GALNTL6: variants seen among roughly 807,000 people sequenced by gnomAD.
The protein encoded by GALNTL6 is polypeptide N-acetylgalactosaminyltransferase-like 6.
A neutral mutation model predicts 73.7 loss-of-function variants in GALNTL6; 46 were observed. The observed-to-expected ratio is 0.62, with a 90% CI of 0.49 to 0.80. The LOEUF is 0.80. GALNTL6 is among the 30% of genes least tolerant of loss of function. GALNTL6 has a pLI of 0.00. For synonymous variants in GALNTL6, 259 were observed against 263.7 expected (o/e 0.98, Z 0.17); for missense variants, 604 against 755.0 (o/e 0.80, Z 2.34).
Position 172,045,554 on chromosome 4 carries a change from C to T in GALNTL6, c.139-184102C>T, listed in dbSNP as rs535102675. ...TGTTCAACATAGTATTAAATGCTTTCCAAACACTCCATACATACTTTGGTA... is the reference window on the plus strand; with the variant it reads ...TGTTCAACATAGTATTAAATGCTTTTCAAACACTCCATACATACTTTGGTA... On this transcript the variant is annotated intron_variant, in intron 2 of 12. Transcript: ENST00000506823. Among the ~76,000 whole-genome samples, 12 of 151,964 alleles carry T rather than the reference C, an allele frequency of 7.9e-5. No individual in the cohort carries two copies. The South Asian group carries it at 2.5e-3, about 32-fold the overall frequency.
chr4:172,617,146 T>C (rs1351568012), intron 5 of GALNTL6, among the ~76,000 whole-genome samples: 1 of 152,060 alleles, frequency 6.6e-6, no homozygotes, highest in Non-Finnish European at 1.5e-5. Flanking sequence ...TGTTTGTTTG[T>C]GTGTGTGCGT....
chr4:172,617,992 T>C (rs1738808699), intron 5 of GALNTL6, among the ~76,000 whole-genome samples: 1 of 152,146 alleles, frequency 6.6e-6, no homozygotes, highest in South Asian at 2.1e-4. Context: ...CTTGCCTCTG[T>C]CCCTCCTTCT....
chr4:172,476,497 A>G (rs1008658298), intron 5 of GALNTL6, among the ~76,000 whole-genome samples: 3 of 152,220 alleles, frequency 2.0e-5, no homozygotes, highest in Admixed American at 2.0e-4. Flanking sequence ...CTAAGCTTGA[A>G]GCCGTCTACA....
intron 2 of GALNTL6, among the ~76,000 whole-genome samples, chr4:172,119,603 C>T (rs1260668524): frequency 2.0e-5 from 3 of 152,144 alleles, no homozygotes; most frequent in African/African-American, 7.2e-5. Context: ...CAGAGGTCAG[C>T]AAACTTTTGC....
chr4:172,813,626 G>C lies in GALNTL6; in HGVS notation c.826G>C (p.Gly276Arg), dbSNP rs1211934516. 1.9e-6 allele frequency: 3 copies of C among 1,613,348 alleles called. No homozygotes were observed. Among genetic ancestry groups the C allele is most frequent in the East Asian group, 2.2e-5 (1 of 44,852 alleles). ...TCACTTCGGGTATGAGGCACAAGCTGGGGATGCCATGCGAGGAGCCTTCGA... is the reference window on the plus strand; with the variant it reads ...TCACTTCGGGTATGAGGCACAAGCTCGGGATGCCATGCGAGGAGCCTTCGA... ...HNHFGYEAQA[G>R]DAMRGAFDWE... Residue 276 changes from glycine (G) to arginine (R), a missense_variant, in exon 7 of 13, where the codon GGG (glycine) becomes CGG (arginine). Physicochemically the swap from Gly to Arg is moderately radical, Grantham distance 125. This residue lies in a region of GALNTL6 where 179 missense variants were observed against 230.8 expected (regional missense o/e 0.78). Coordinates refer to ENST00000506823, the MANE Select transcript of GALNTL6 (RefSeq NM_001034845.3).
chr4:172,290,395 A>G (rs1162623091), intron 3 of GALNTL6, among the ~76,000 whole-genome samples: 1 of 152,162 alleles, frequency 6.6e-6, no homozygotes, highest in Admixed American at 6.5e-5. Flanking sequence ...CTTTGTACTT[A>G]AATCTAGTTT....
At position 171,864,902 on chromosome 4, in the gene GALNTL6, A is replaced by G. The variant is rs1043026737; in HGVS notation, c.138+50184A>G. 3.2e-4 allele frequency among the ~76,000 whole-genome samples: 49 copies of G among 152,170 alleles called. 1 individual carries two copies. The highest frequency in any genetic ancestry group is 1.3e-4 in the Non-Finnish European group (9 of 68,016). Reference sequence around the variant, plus strand: ...AGTGAAAAGAGCCATAAGAGAAAAGATGGGAAACAGCACTTAAGAGGTACA... The same window carrying G: ...AGTGAAAAGAGCCATAAGAGAAAAGGTGGGAAACAGCACTTAAGAGGTACA... On this transcript the variant is annotated intron_variant, in intron 2 of 12. Transcript: ENST00000506823.
chr4:172,776,890 AATTATAT>A (rs149086776), intron 5 of GALNTL6, among the ~76,000 whole-genome samples: 4,075 of 152,268 alleles, frequency 0.027, 168 homozygotes, highest in African/African-American at 0.09. Flanking sequence ...CCATTTCTCT[AATTATAT>A]ATTATATATT....
intron 9 of GALNTL6, among the ~76,000 whole-genome samples, chr4:172,933,021 T>C (rs1009734035): frequency 7.2e-5 from 11 of 152,154 alleles, no homozygotes; most frequent in African/African-American, 2.7e-4. Flanking sequence ...CATAAAGTAA[T>C]TAAAGAGCTG....
In GALNTL6 at chr4:172,362,790, T is replaced by G. The variant is rs554648836; in HGVS notation, c.553+14101T>G. 2.0e-5 allele frequency among the ~76,000 whole-genome samples: 3 copies of G among 152,284 alleles called. No homozygotes were observed. In the South Asian group the frequency reaches 6.2e-4, roughly 32 times the overall value. ...TCATCATCCATTGAAACTAGACACC[T>G]ATGAATTGCTCTTATGATTCCTCTT... On this transcript the variant is annotated intron_variant, in intron 5 of 12. Coordinates refer to ENST00000506823, the MANE Select transcript of GALNTL6 (RefSeq NM_001034845.3).
chr4:172,245,976 A>G (rs1262597515), intron 3 of GALNTL6, among the ~76,000 whole-genome samples: 1 of 152,160 alleles, frequency 6.6e-6, no homozygotes, highest in African/African-American at 2.4e-5. Flanking sequence ...AAAATATAAC[A>G]TAGAGCATCC....
intron 2 of GALNTL6, among the ~76,000 whole-genome samples, chr4:171,870,151 A>G (rs1736097091): frequency 1.3e-5 from 2 of 152,222 alleles, no homozygotes; most frequent in Admixed American, 1.3e-4. Flanking sequence ...AGCGTTTTGT[A>G]AATAGCTGCA....
At chr4:172,587,421 C>T (rs992209862) in intron 5 of GALNTL6, among the ~76,000 whole-genome samples, 5 of 152,158 alleles carry the variant, frequency 3.3e-5, no homozygotes, top group African/African-American at 1.2e-4. Context: ...GATCTTTGTT[C>T]AACATGAACC....
chr4:171,905,275 G>C (rs1737238979), intron 2 of GALNTL6, among the ~76,000 whole-genome samples: 1 of 151,792 alleles, frequency 6.6e-6, no homozygotes, highest in South Asian at 2.1e-4. Context: ...ACACACATAG[G>C]CTCAAAATAA....
At chr4:172,336,379 C>G (rs1337235522) in intron 4 of GALNTL6, among the ~76,000 whole-genome samples, 1 of 140,252 alleles carries the variant, frequency 7.1e-6, no homozygotes, top group African/African-American at 2.6e-5. Context: ...CAAGGCTATT[C>G]TCCTGCCTCA....
chr4:172,897,377 T>C (rs537643063), intron 8 of GALNTL6, among the ~76,000 whole-genome samples: 60 of 152,338 alleles, frequency 3.9e-4, no homozygotes, highest in Non-Finnish European at 8.1e-4. Flanking sequence ...ATTCGCCCTC[T>C]GGGCCCTTGT....
chr4:171,872,240 T>C (rs1313124098), intron 2 of GALNTL6, among the ~76,000 whole-genome samples: 1 of 152,218 alleles, frequency 6.6e-6, no homozygotes, highest in East Asian at 1.9e-4. Context: ...TCTTGAATCA[T>C]GCCTGAAGCC....
chr4:171,836,625 C>A (rs1735102479), intron 2 of GALNTL6, among the ~76,000 whole-genome samples: 1 of 152,042 alleles, frequency 6.6e-6, no homozygotes, highest in African/African-American at 2.4e-5. Flanking sequence ...GAAATGTTTT[C>A]AGATTTTTAA....
intron 5 of GALNTL6, among the ~76,000 whole-genome samples, chr4:172,370,599 C>A (rs1367286556): frequency 3.6e-5 from 5 of 140,348 alleles, no homozygotes; most frequent in Non-Finnish European, 7.5e-5. Context: ...CCACTGCACT[C>A]CAGCGTGGGC....
Sources: gnomAD v4.1 joint callset for allele counts (sites outside exome capture counted in the v4.1 genomes callset) on GRCh38, gnomAD v4.1.1 for gene constraint, gnomAD v4.1.1 regional missense constraint, MANE v1.5 for transcripts, NCBI Gene and HGNC (gene_info 2026-07-23, HGNC 2026-07-21) for gene names.